The following WDR26 variants were observed in gnomAD, a reference collection of about 807,000 sequenced individuals.
WDR26 encodes the protein WD repeat domain 26, also known as WD repeat-containing protein 26.
Under a neutral mutation model 84.1 loss-of-function variants are expected in WDR26, and 5 were observed. The ratio of observed to expected loss-of-function variants is 0.06; its 90% confidence interval spans 0.03 to 0.13. WDR26 has a LOEUF of 0.13. Among genes scored for constraint, WDR26 ranks in the 10% least tolerant of loss-of-function variants. WDR26 has a pLI of 1.00. For missense variants in WDR26, 642 were observed against 974.9 expected, an observed-to-expected ratio of 0.66 and a Z score of 4.55; for synonymous variants, 415 against 389.6, an observed-to-expected ratio of 1.07 and a Z score of -0.77.
At chr1:224,402,122 G>A (rs961401532) in intron 8 of WDR26, 1 of 152,106 alleles carries the variant, frequency 6.6e-6, no homozygotes, top group Admixed American at 6.6e-5. Flanking sequence ...GTGAGAAATG[G>A]GTAATCAAAA....
chr1:224,433,600 T>TCCCCCCCCCCCCCCCTCCCCCTCC, intron 1 of WDR26, 84 bp downstream of exon 1: 1 of 287,054 alleles, frequency 3.5e-6, no homozygotes, highest in East Asian at 9.3e-5. Context: ...CAAGCCCCCC[T>TCCCCCCCCCCCCCCCTCCCCCTCC]CCCCCCTCCG....
At chr1:224,411,692 G>T in intron 6 of WDR26, 127 bp from the exon 7 acceptor site, 2 of 1,054,730 alleles carry the variant, frequency 1.9e-6, no homozygotes, top group East Asian at 2.7e-5. Context: ...AGAAGTGAAT[G>T]CATTTGTAAA....
intron 8 of WDR26, among the ~76,000 whole-genome samples, chr1:224,404,202 C>T (rs1673493185): frequency 6.6e-6 from 1 of 152,122 alleles, no homozygotes; most frequent in Non-Finnish European, 1.5e-5. Context: ...TAGGACAAAG[C>T]CAAACATCCT....
chr1:224,416,008 G>A (rs567086869), intron 6 of WDR26, among the ~76,000 whole-genome samples: 2 of 152,280 alleles, frequency 1.3e-5, no homozygotes, highest in Admixed American at 6.5e-5. Context: ...GAAATATGAA[G>A]AGTGAAGGAA....
At position 224,389,580 on chromosome 1, in the gene WDR26, G is replaced by C; in HGVS notation, c.*255C>G. On this transcript the variant is annotated 3_prime_UTR_variant, in exon 14 of 14. Coordinates refer to ENST00000414423, the MANE Select transcript of WDR26 (RefSeq NM_001379403.1). Reference sequence around the variant, plus strand: ...AGTTCAATGGGTAAGCCTGAATGTAGCACAGTTCTTCACAACCGATGGGGG... The same window carrying C: ...AGTTCAATGGGTAAGCCTGAATGTACCACAGTTCTTCACAACCGATGGGGG... 1.7e-6 allele frequency: 1 copy of C among 576,922 alleles called. No homozygotes were observed. The highest frequency in any genetic ancestry group is 2.0e-5 in the African/African-American group (1 of 50,936). The allele number at this position is 576,922 out of a possible 1,614,324, so 35.7% of individuals were successfully genotyped here. A position where few individuals can be genotyped will look rare whatever the true frequency, so the allele number is the denominator to read the frequency against.
In WDR26 at chr1:224,431,386, C is replaced by T. The variant is rs773146243; in HGVS notation, c.927+91G>A. ...ATATGAAATTTAACTACTTTTAGGC[C>T]TTATTTTTTTATAAGAGGCAGAAGC... On this transcript the variant is annotated intron_variant, in intron 3 of 13. Transcript: ENST00000414423. 2.5e-5 allele frequency: 29 copies of T among 1,178,884 alleles called. 1 individual carries two copies. In the South Asian group the frequency reaches 3.9e-4, roughly 16 times the overall value. The allele number at this position is 1,178,884 out of a possible 1,614,324, so 73.0% of individuals were successfully genotyped here. A position where few individuals can be genotyped will look rare whatever the true frequency, so the allele number is the denominator to read the frequency against.
At position 224,424,536 on chromosome 1, in the gene WDR26, C is replaced by T. The variant is rs772952060; in HGVS notation, c.1046G>A (p.Arg349His). 7.4e-6 allele frequency: 12 copies of T among 1,613,772 alleles called. No individual in the cohort carries two copies. Among genetic ancestry groups the T allele is most frequent in the East Asian group, 2.2e-5 (1 of 44,886 alleles). ...TCCTTACCCACTAAGAACATGAATG[C>T]GCTCTGTATTGTATTTCAGCGGCGT... Residue 349 changes from arginine (R) to histidine (H), a missense_variant, in exon 4 of 14, where the codon CGC becomes CAC. This residue lies in a region of WDR26 where 351 missense variants were observed against 672.8 expected (regional missense o/e 0.52). Transcript: ENST00000414423.
At chr1:224,396,178 A>T (rs192074480) in intron 12 of WDR26, among the ~76,000 whole-genome samples, 8 of 152,342 alleles carry the variant, frequency 5.3e-5, no homozygotes, top group Admixed American at 2.6e-4. Flanking sequence ...TCTAATTTGT[A>T]GCCCTAAACC....
chr1:224,400,842 G>A, intron 9 of WDR26, 108 bp downstream of exon 9: 2 of 1,448,300 alleles, frequency 1.4e-6, no homozygotes, highest in East Asian at 5.0e-5. Context: ...CACCATGCCT[G>A]GCCCACAGAG....
chr1:224,393,735 T>C, intron 13 of WDR26, 93 bp downstream of exon 13: 1 of 1,094,116 alleles, frequency 9.1e-7, no homozygotes, highest in Non-Finnish European at 1.3e-6. Flanking sequence ...TACCACACTT[T>C]AAATAAACTT....
intron 8 of WDR26, among the ~76,000 whole-genome samples, chr1:224,403,664 C>T (rs764221274): frequency 1.2e-4 from 18 of 152,218 alleles, no homozygotes; most frequent in Non-Finnish European, 2.4e-4. Flanking sequence ...GGACCGGGCA[C>T]GGTGGCTCAC....
rs1673963921 is a variant in WDR26, at chr1:224,418,296, T to G, written c.1283A>C (p.Asp428Ala). ...ATGGTCTATAAGCAGAGACACAGAATCTAGATTATTATCAAGTTTGGTATT... is the reference window on the plus strand; with the variant it reads ...ATGGTCTATAAGCAGAGACACAGAAGCTAGATTATTATCAAGTTTGGTATT... Residue 428 changes from aspartate to alanine, a missense_variant, in exon 6 of 14, where the codon GAT becomes GCT. Coordinates refer to ENST00000414423, the MANE Select transcript of WDR26 (RefSeq NM_001379403.1). 1 of 1,613,306 alleles carries G rather than the reference T, an allele frequency of 6.2e-7. No individual in the cohort carries two copies. The highest frequency in any genetic ancestry group is 1.7e-5 in the Admixed American group (1 of 59,902).
At position 224,407,507 on chromosome 1, in the gene WDR26, A is replaced by G. The variant is rs1177459457; in HGVS notation, c.1459-2937T>C. ...AGGGCATATATATATATATACATATATAAATTTTTTTTTTTTTTTGAGATG... is the reference window on the plus strand; with the variant it reads ...AGGGCATATATATATATATACATATGTAAATTTTTTTTTTTTTTTGAGATG... On this transcript the variant is annotated intron_variant, in intron 7 of 13. Transcript: ENST00000414423. Among the ~76,000 whole-genome samples the G allele has an allele frequency of 2.7e-5, 4 of 149,378 alleles. No individual in the cohort carries two copies. In the East Asian group the frequency reaches 7.8e-4, roughly 29 times the overall value.
At chr1:224,414,187 T>C (rs1405274835) in intron 6 of WDR26, among the ~76,000 whole-genome samples, 2 of 137,792 alleles carry the variant, frequency 1.5e-5, no homozygotes, top group African/African-American at 2.8e-5. Context: ...CTCACTGCAA[T>C]CTCTACCTCC....
In WDR26 at chr1:224,389,163, T is replaced by TA. The variant is rs1360266254; in HGVS notation, c.*671dup. On this transcript the variant is annotated 3_prime_UTR_variant, in exon 14 of 14. Coordinates refer to ENST00000414423, the MANE Select transcript of WDR26 (RefSeq NM_001379403.1). Reference sequence around the variant, plus strand: ...CTATAAATACTTCTTAATTTATTTTTAAAAAATTGTGCTGTTAACCCTTTT... The same window carrying TA: ...CTATAAATACTTCTTAATTTATTTTTAAAAAAATTGTGCTGTTAACCCTTTT... The TA allele has an allele frequency of 6.5e-6, 1 of 152,820 alleles. No homozygotes were observed. Among genetic ancestry groups the TA allele is most frequent in the Non-Finnish European group, 1.5e-5 (1 of 68,168 alleles). The allele number at this position is 152,820 out of a possible 1,614,324, so 9.5% of individuals were successfully genotyped here. A position where few individuals can be genotyped will look rare whatever the true frequency, so the allele number is the denominator to read the frequency against.
At chr1:224,430,978 ACT>A (rs1674373508) in intron 3 of WDR26, 1 of 154,052 alleles carries the variant, frequency 6.5e-6, no homozygotes, top group Non-Finnish European at 1.4e-5. Flanking sequence ...AAACTTTGAC[ACT>A]GTCAATTCAC....
At position 224,418,355 on chromosome 1, in the gene WDR26, C is replaced by T. The variant is rs770848836; in HGVS notation, c.1224G>A (p.Ala408=). ...GGCACCGATCCCTTTGTAGTTCCAC[C>T]GCCTGCCGCAGGAGAGTCTGTAAAC... Residue 408 remains alanine (A), a synonymous_variant, in exon 6 of 14, where the codon GCG becomes GCA. Transcript: ENST00000414423. 9.3e-6 allele frequency: 15 copies of T among 1,613,326 alleles called. No individual in the cohort carries two copies. The highest frequency in any genetic ancestry group is 1.6e-4 in the Middle Eastern group (1 of 6,074).
chr1:224,422,879 G>C (rs1674104690), intron 4 of WDR26, among the ~76,000 whole-genome samples: 1 of 152,154 alleles, frequency 6.6e-6, no homozygotes, highest in Admixed American at 6.5e-5. Context: ...ACATGTCAAA[G>C]TTAAAAGACA....
chr1:224,427,344 T>C (rs776431084), intron 3 of WDR26, among the ~76,000 whole-genome samples: 3 of 152,040 alleles, frequency 2.0e-5, no homozygotes, highest in Non-Finnish European at 4.4e-5. Flanking sequence ...TATCAATCAT[T>C]AGGCTCCTAT....
Sources: gnomAD v4.1 joint callset for allele counts (sites outside exome capture counted in the v4.1 genomes callset) on GRCh38, gnomAD v4.1.1 for gene constraint, gnomAD v4.1.1 regional missense constraint, MANE v1.5 for transcripts, NCBI Gene and HGNC (gene_info 2026-07-23, HGNC 2026-07-21) for gene names.